Variants in SLC13A2 observed in about 807,000 individuals in gnomAD.
SLC13A2 encodes the protein Na(+)-coupled citrate transporter.
A neutral mutation model predicts 58.5 loss-of-function variants in SLC13A2; 40 were observed. That is an observed-to-expected ratio of 0.68 (90% CI 0.53 to 0.89). The LOEUF is 0.89. SLC13A2 is among the 40% of genes least tolerant of loss of function. The pLI is 0.00. For synonymous variants in SLC13A2, 341 were observed against 331.6 expected (o/e 1.03, Z -0.31); for missense variants, 694 against 772.6 (o/e 0.90, Z 1.21).
chr17:28,485,340 G>A (rs897116040), intron 1 of SLC13A2, among the ~76,000 whole-genome samples: 1 of 152,198 alleles, frequency 6.6e-6, no homozygotes, highest in Non-Finnish European at 1.5e-5. Flanking sequence ...GTGTAAACCA[G>A]CTGAGTCCAA....
In SLC13A2 at chr17:28,491,522, C is replaced by T. The variant is rs140149811; in HGVS notation, c.660C>T (p.Cys220=). Residue 220 remains cysteine (C), a synonymous_variant, in exon 5 of 12, where the codon TGC becomes TGT. Transcript: ENST00000314669. The part of the protein sequence containing the change: ...LSQKHLHLTQ[C]MSLCVCYSAS... Reference sequence around the variant, plus strand: ...AGAAGCATCTCCACCTCACCCAGTGCATGAGCCTGTGCGTGTGCTACTCCG... The same window carrying T: ...AGAAGCATCTCCACCTCACCCAGTGTATGAGCCTGTGCGTGTGCTACTCCG... 188 of 1,613,694 alleles carry T rather than the reference C, an allele frequency of 1.2e-4. No individual in the cohort carries two copies. Among genetic ancestry groups the T allele is most frequent in the Non-Finnish European group, 1.5e-4 (173 of 1,180,062 alleles).
At chr17:28,476,121 C>A (rs904243828) in intron 1 of SLC13A2, among the ~76,000 whole-genome samples, 3 of 152,188 alleles carry the variant, frequency 2.0e-5, no homozygotes, top group Non-Finnish European at 2.9e-5. Flanking sequence ...CAGCCAAAAA[C>A]TCGGGGGCAT....
At chr17:28,483,887 A>G (rs2068831218) in intron 1 of SLC13A2, among the ~76,000 whole-genome samples, 1 of 152,200 alleles carries the variant, frequency 6.6e-6, no homozygotes, top group East Asian at 1.9e-4. Context: ...TGTGCCCTGG[A>G]CATGTGCTTT....
At chr17:28,484,970 G>A (rs2068850710) in intron 1 of SLC13A2, among the ~76,000 whole-genome samples, 2 of 152,152 alleles carry the variant, frequency 1.3e-5, no homozygotes, top group Admixed American at 6.5e-5. Context: ...AGTGGGAAAG[G>A]AGGCTTTACA....
intron 6 of SLC13A2, among the ~76,000 whole-genome samples, chr17:28,492,829 T>C (rs1218684139): frequency 6.6e-6 from 1 of 152,230 alleles, no homozygotes; most frequent in Non-Finnish European, 1.5e-5. Flanking sequence ...ACTGTGGTAT[T>C]AATTATAATT....
intron 5 of SLC13A2, 27 bp from the exon 6 acceptor site, chr17:28,491,703 A>C: frequency 1.2e-6 from 2 of 1,612,720 alleles, no homozygotes; most frequent in South Asian, 2.2e-5. Context: ...GGGCAATGTC[A>C]CACGGCAGCC....
chr17:28,490,403 G>A lies in SLC13A2; in HGVS notation c.232-51G>A, dbSNP rs782090212. ...TGCATCCCATAACCTCGGGGGCACCGTGGGAGACTCCAGGGTCTTCCCGCC... is the reference window on the plus strand; with the variant it reads ...TGCATCCCATAACCTCGGGGGCACCATGGGAGACTCCAGGGTCTTCCCGCC... On this transcript the variant is annotated intron_variant, in intron 2 of 11. Coordinates refer to ENST00000314669, the MANE Select transcript of SLC13A2 (RefSeq NM_003984.4). 3.2e-5 allele frequency: 52 copies of A among 1,613,928 alleles called. No individual in the cohort carries two copies. The highest frequency in any genetic ancestry group is 1.6e-4 in the Middle Eastern group (1 of 6,084).
At position 28,495,547 on chromosome 17, in the gene SLC13A2, G is replaced by C. The variant is rs573569856; in HGVS notation, c.1309-108G>C. The C allele has an allele frequency of 2.7e-5, 31 of 1,141,278 alleles. No homozygotes were observed. The African/African-American group carries it at 3.5e-4, about 13-fold the overall frequency. The allele number at this position is 1,141,278 out of a possible 1,614,324, so 70.7% of individuals were successfully genotyped here. A position where few individuals can be genotyped will look rare whatever the true frequency, so the allele number is the denominator to read the frequency against. ...TCCCTTTAGAGCTGTCTTTGACTCT[G>C]AATACCAGGGAGATGTTAGCAGGAG... On this transcript the variant is annotated intron_variant, in intron 9 of 11. Coordinates refer to ENST00000314669, the MANE Select transcript of SLC13A2 (RefSeq NM_003984.4).
chr17:28,494,124 G>A lies in SLC13A2; in HGVS notation c.1186+19G>A. The A allele has an allele frequency of 1.9e-6, 3 of 1,607,100 alleles. No homozygotes were observed. Among genetic ancestry groups the A allele is most frequent in the Non-Finnish European group, 2.6e-6 (3 of 1,173,596 alleles). On this transcript the variant is annotated intron_variant, in intron 8 of 11. Transcript: ENST00000314669. The surrounding 1 kb of genome is among the most constrained non-coding windows in gnomAD (Gnocchi z 4.0). The stretch of plus-strand genomic sequence containing the variant: ...GACCCAGGTAAGCACCTGGACTGGG[G>A]CAGGGAAGGGTCTCCGGGCAGCCCC...
rs2069159495 is a variant in SLC13A2 at position 28,497,105 on chromosome 17, G to T, written c.1615G>T (p.Ala539Ser). 3 of 1,613,816 alleles carry T rather than the reference G, an allele frequency of 1.9e-6. No homozygotes were observed. Among genetic ancestry groups the T allele is most frequent in the Non-Finnish European group, 2.5e-6 (3 of 1,179,912 alleles). ...GDLKVLDMAR[A>S]GFLLNIIGVL... ...TGGACTCTCCTCACACCAGGCCCGG[G>T]CAGGATTCCTCCTCAACATCATTGG... The change falls in exon 12 of 12, where the codon GCA (alanine) becomes TCA (serine). Residue 539 changes from alanine (A) to serine (S), a missense_variant. Ala to Ser is a moderately conservative substitution (Grantham distance 99). Coordinates refer to ENST00000314669, the MANE Select transcript of SLC13A2 (RefSeq NM_003984.4).
intron 6 of SLC13A2, 43 bp downstream of exon 6, chr17:28,491,895 T>C: frequency 6.3e-7 from 1 of 1,599,938 alleles, no homozygotes. Flanking sequence ...TCCCTGCCCT[T>C]AGCCCTGGGA....
In SLC13A2 at chr17:28,497,422, G is replaced by T; in HGVS notation, c.*153G>T. The T allele has an allele frequency of 1.3e-6, 1 of 793,804 alleles. No homozygotes were observed. The allele number at this position is 793,804 out of a possible 1,614,324, so 49.2% of individuals were successfully genotyped here. ...ATCTCTTGCGTGTCTGTAAGGAAGG[G>T]GTGTATGCTCAGTTTCCTATGTGCT... On this transcript the variant is annotated 3_prime_UTR_variant, in exon 12 of 12. Transcript: ENST00000314669.
intron 1 of SLC13A2, among the ~76,000 whole-genome samples, chr17:28,486,859 G>A (rs896231434): frequency 1.4e-4 from 21 of 149,922 alleles, no homozygotes; most frequent in African/African-American, 4.2e-4. Context: ...GTGCAGTGGC[G>A]TGATCTCAGC....
chr17:28,494,150 T>C lies in SLC13A2; in HGVS notation c.1186+45T>C, dbSNP rs1248711275. The C allele has an allele frequency of 6.4e-7, 1 of 1,569,470 alleles. No homozygotes were observed. The highest frequency in any genetic ancestry group is 8.8e-7 in the Non-Finnish European group (1 of 1,140,076). On this transcript the variant is annotated intron_variant, in intron 8 of 11. Coordinates refer to ENST00000314669, the MANE Select transcript of SLC13A2 (RefSeq NM_003984.4). The surrounding 1 kb of genome is among the most constrained non-coding windows in gnomAD (Gnocchi z 4.0). The stretch of plus-strand genomic sequence containing the variant: ...CAGGGAAGGGTCTCCGGGCAGCCCC[T>C]GCCTTCAAGTATGTAATGTACCTTC...
At chr17:28,482,250 G>A (rs1204375505) in intron 1 of SLC13A2, among the ~76,000 whole-genome samples, 2 of 150,912 alleles carry the variant, frequency 1.3e-5, no homozygotes, top group Non-Finnish European at 3.0e-5. Flanking sequence ...ACAGTGTTTC[G>A]CCATGTTGCC....
chr17:28,483,496 G>T (rs1555601470), intron 1 of SLC13A2, among the ~76,000 whole-genome samples: 1 of 152,144 alleles, frequency 6.6e-6, no homozygotes, highest in African/African-American at 2.4e-5. Flanking sequence ...AATTAGCTGG[G>T]TGTGGTGGCA....
At chr17:28,485,199 C>T (rs1555601776) in intron 1 of SLC13A2, among the ~76,000 whole-genome samples, 3 of 152,174 alleles carry the variant, frequency 2.0e-5, no homozygotes, top group Non-Finnish European at 4.4e-5. Flanking sequence ...AAACTCTTCC[C>T]TGCTGGTTTC....
At chr17:28,490,130 C>T (rs1348198763) in intron 2 of SLC13A2, among the ~76,000 whole-genome samples, 1 of 152,088 alleles carries the variant, frequency 6.6e-6, no homozygotes, top group Non-Finnish European at 1.5e-5. Flanking sequence ...AAAAATTAGC[C>T]AGGCATGGTG....
chr17:28,493,871 G>A (rs782573080), intron 7 of SLC13A2, 82 bp downstream of exon 7: 1 of 1,528,396 alleles, frequency 6.5e-7, no homozygotes, highest in South Asian at 1.2e-5. Context: ...GGCCCCCATT[G>A]CAGAACAGGA....
Sources: gnomAD v4.1 joint callset for allele counts (sites outside exome capture counted in the v4.1 genomes callset) on GRCh38, gnomAD v4.1.1 for gene constraint, Gnocchi (gnomAD v3.1) non-coding constraint, MANE v1.5 for transcripts, NCBI Gene and HGNC (gene_info 2026-07-23, HGNC 2026-07-21) for gene names.